DIP2C: variants seen among roughly 807,000 people sequenced by gnomAD.
The protein encoded by DIP2C is disco-interacting protein 2 homolog C.
DIP2C carries 33 observed loss-of-function variants against 192.4 expected under a neutral mutation model. That is an observed-to-expected ratio of 0.17 (90% confidence interval 0.13 to 0.23). DIP2C has a LOEUF of 0.23. Ranked by LOEUF, DIP2C falls within the 10% of genes least tolerant of loss-of-function variation. DIP2C has a pLI of 1.00. For synonymous variants in DIP2C, 979 were observed against 864.1 expected, an observed-to-expected ratio of 1.13 and a Z score of -2.33; for missense variants, 1,537 against 2,110.1, an observed-to-expected ratio of 0.73 and a Z score of 5.32.
intron 1 of DIP2C, among the ~76,000 whole-genome samples, chr10:574,240 G>A (rs1850005038): frequency 1.3e-5 from 2 of 152,116 alleles, no homozygotes; most frequent in Non-Finnish European, 2.9e-5. Flanking sequence ...AGGAAATTGG[G>A]CATTTCACAA....
At position 281,270 on chromosome 10, in the gene DIP2C, G is replaced by A. The variant is rs371430787; in HGVS notation, c.4348C>T (p.Arg1450Trp). The change falls in exon 36 of 37, where the codon CGG becomes TGG. Residue 1450 changes from arginine to tryptophan, a missense_variant. By Grantham distance (101) the Arg-to-Trp change is moderately radical. Coordinates refer to ENST00000280886, the MANE Select transcript of DIP2C (RefSeq NM_014974.3). The stretch of plus-strand genomic sequence containing the variant: ...TCGATTGGGTGGTACCGCATGCCCC[G>A]CAGCTCCATGGCTTCGTCCAGTGCC... ...VGALDEAMEL[R>W]GMRYHPIDIE... 1.1e-5 allele frequency: 18 copies of A among 1,614,134 alleles called. No homozygotes were observed. The highest frequency in any genetic ancestry group is 1.3e-5 in the Non-Finnish European group (15 of 1,180,020).
intron 1 of DIP2C, among the ~76,000 whole-genome samples, chr10:539,693 T>C (rs1847876681): frequency 6.6e-6 from 1 of 152,268 alleles, no homozygotes; most frequent in Admixed American, 6.5e-5. Context: ...TTCTTATCTT[T>C]TTGTCCACTG....
intron 18 of DIP2C, among the ~76,000 whole-genome samples, 167 bp downstream of exon 18, chr10:369,327 C>T (rs979886328): frequency 5.3e-5 from 8 of 152,252 alleles, no homozygotes; most frequent in African/African-American, 1.9e-4. Context: ...GGAACACTGC[C>T]TCAAATGTCT....
intron 9 of DIP2C, 50 bp from the exon 10 acceptor site, chr10:399,269 C>T (rs76196316): frequency 6.8e-7 from 1 of 1,480,480 alleles, no homozygotes; most frequent in Non-Finnish European, 9.4e-7. Context: ...TCCTGGCTTC[C>T]TAAGACGCCA....
At chr10:524,406 CTA>C (rs1846924139) in intron 1 of DIP2C, among the ~76,000 whole-genome samples, 1 of 152,138 alleles carries the variant, frequency 6.6e-6, no homozygotes, top group Middle Eastern at 3.2e-3. Flanking sequence ...TCACTCAGAC[CTA>C]TATGTGACTG....
intron 4 of DIP2C, among the ~76,000 whole-genome samples, chr10:434,883 C>A (rs544669285): frequency 6.6e-6 from 1 of 152,166 alleles, no homozygotes; most frequent in South Asian, 2.1e-4. Context: ...ACTCTGGTTT[C>A]TTTGTTGGGG....
At chr10:600,576 C>T (rs1460914543) in intron 1 of DIP2C, among the ~76,000 whole-genome samples, 4 of 151,986 alleles carry the variant, frequency 2.6e-5, no homozygotes, top group East Asian at 1.9e-4. Context: ...TGCTCCCGTG[C>T]GACCCCACAG....
intron 8 of DIP2C, among the ~76,000 whole-genome samples, chr10:410,140 T>C (rs1965092143): frequency 6.6e-6 from 1 of 152,194 alleles, no homozygotes; most frequent in African/African-American, 2.4e-5. Context: ...GAGAGTTCCT[T>C]AGATTAGTGT....
At position 651,372 on chromosome 10, in the gene DIP2C, AG is replaced by A. The variant is rs1855890847; in HGVS notation, c.85+38121del. 1 of 701,800 alleles carries A rather than the reference AG, an allele frequency of 1.4e-6. No individual in the cohort carries two copies. Among genetic ancestry groups the A allele is most frequent in the Non-Finnish European group, 2.6e-6 (1 of 384,640 alleles). The allele number at this position is 701,800 out of a possible 1,614,324, so 43.5% of individuals were successfully genotyped here. On this transcript the variant is annotated intron_variant, in intron 1 of 36. Transcript: ENST00000280886. This position sits in a 1 kb window ranked among gnomAD's most constrained non-coding sequence, Gnocchi z 4.1. ...ATCCCCAGCACTGTGCTCAGGTCCC[AG>A]GGAGGCCCCAGCAAACTGTGGAACA...
At chr10:457,088 C>A (rs973009344) in intron 3 of DIP2C, among the ~76,000 whole-genome samples, 10 of 152,194 alleles carry the variant, frequency 6.6e-5, no homozygotes, top group Non-Finnish European at 1.3e-4. Context: ...AGGTTATAAT[C>A]TCAATTCTTT....
intron 1 of DIP2C, among the ~76,000 whole-genome samples, chr10:676,384 C>CAAAT (rs1384460538): frequency 2.0e-5 from 3 of 151,864 alleles, no homozygotes; most frequent in Non-Finnish European, 4.4e-5. Flanking sequence ...CACTCCTATT[C>CAAAT]AACACAGTAC....
At chr10:400,222 T>A (rs1387411511) in intron 9 of DIP2C, among the ~76,000 whole-genome samples, 1 of 152,116 alleles carries the variant, frequency 6.6e-6, no homozygotes, top group African/African-American at 2.4e-5. Flanking sequence ...GGGGTCTCGT[T>A]ATGTTGCCCA....
chr10:332,241 C>G (rs1957539107), intron 29 of DIP2C, among the ~76,000 whole-genome samples: 1 of 152,196 alleles, frequency 6.6e-6, no homozygotes, highest in Admixed American at 6.5e-5. Context: ...CTAAGTGTCC[C>G]TGGAAGTGGC....
intron 1 of DIP2C, among the ~76,000 whole-genome samples, chr10:547,568 A>T (rs1848349872): frequency 6.6e-6 from 1 of 152,124 alleles, no homozygotes; most frequent in Non-Finnish European, 1.5e-5. Context: ...GAGGGTGGAG[A>T]AAAAGGGGCT....
In DIP2C at chr10:515,774, C is replaced by T. The variant is rs111291943; in HGVS notation, c.86-29244G>A. 1.4e-3 allele frequency among the ~76,000 whole-genome samples: 219 copies of T among 152,014 alleles called. 2 individuals carry two copies. Among genetic ancestry groups the T allele is most frequent in the African/African-American group, 4.7e-3 (196 of 41,454 alleles). The stretch of plus-strand genomic sequence containing the variant: ...AGCCTTCAGAAAAAGCTATGAGCAC[C>T]GCCCCCACCCAACCCAAGCAATCAC... On this transcript the variant is annotated intron_variant, in intron 1 of 36. Transcript: ENST00000280886.
At chr10:403,724 G>T (rs1217527617) in intron 9 of DIP2C, among the ~76,000 whole-genome samples, 4 of 150,896 alleles carry the variant, frequency 2.7e-5, no homozygotes, top group African/African-American at 4.9e-5. Flanking sequence ...CTTCCTTATG[G>T]ACAAGTTTGG....
At chr10:473,209 C>T (rs552060202) in intron 2 of DIP2C, among the ~76,000 whole-genome samples, 1 of 152,306 alleles carries the variant, frequency 6.6e-6, no homozygotes, top group South Asian at 2.1e-4. Flanking sequence ...GATGTGAATC[C>T]ACCTGTCACA....
At chr10:673,424 T>C (rs1433078585) in intron 1 of DIP2C, among the ~76,000 whole-genome samples, 3 of 152,198 alleles carry the variant, frequency 2.0e-5, no homozygotes, top group Admixed American at 6.5e-5. Context: ...CCTACAATTA[T>C]AAGATTTTTT....
intron 1 of DIP2C, among the ~76,000 whole-genome samples, chr10:553,692 G>A (rs918994456): frequency 3.3e-5 from 5 of 152,128 alleles, no homozygotes; most frequent in East Asian, 1.9e-4. Flanking sequence ...TAAGAGTGGC[G>A]AACAAGCAAG....
Sources: gnomAD v4.1 joint callset for allele counts (sites outside exome capture counted in the v4.1 genomes callset) on GRCh38, gnomAD v4.1.1 for gene constraint, Gnocchi (gnomAD v3.1) non-coding constraint, MANE v1.5 for transcripts, NCBI Gene and HGNC (gene_info 2026-07-23, HGNC 2026-07-21) for gene names.